The following IKBKB variants were observed in gnomAD, a reference collection of about 807,000 sequenced individuals.
IKBKB encodes inhibitor of nuclear factor kappa B kinase subunit beta.
A neutral mutation model predicts 113.6 loss-of-function variants in IKBKB; 42 were observed. That is an observed-to-expected ratio of 0.37 (90% CI 0.29 to 0.48). IKBKB has a LOEUF of 0.48. Ranked by LOEUF, IKBKB falls within the 20% of genes least tolerant of loss-of-function variation. The probability of loss-of-function intolerance (pLI) is 0.99; values close to 1 mark genes in which losing one functional copy is unlikely to be tolerated. For missense variants in IKBKB, 673 were observed against 939.7 expected, an observed-to-expected ratio of 0.72 and a Z score of 3.71; for synonymous variants, 296 against 361.3, an observed-to-expected ratio of 0.82 and a Z score of 2.05.
At chr8:42,277,424 C>G (rs1173414091) in intron 2 of IKBKB, among the ~76,000 whole-genome samples, 1 of 151,894 alleles carries the variant, frequency 6.6e-6, no homozygotes, top group Non-Finnish European at 1.5e-5. Context: ...CTCAAGTGAT[C>G]TGCCCACCTT....
At position 42,309,044 on chromosome 8, in the gene IKBKB, C is replaced by T. The variant is rs1817147026; in HGVS notation, c.692+19C>T. On this transcript the variant is annotated intron_variant, in intron 8 of 21. Coordinates refer to ENST00000520810, the MANE Select transcript of IKBKB (RefSeq NM_001556.3). ...TGCAGTGGTGAGTGGGCCCGGGGCACCTGGATGGAGGAGGGAGCCTGTCTG... is the reference window on the plus strand; with the variant it reads ...TGCAGTGGTGAGTGGGCCCGGGGCATCTGGATGGAGGAGGGAGCCTGTCTG... The T allele has an allele frequency of 6.2e-7, 1 of 1,610,290 alleles. No homozygotes were observed.
Position 42,304,278 on chromosome 8 carries a change from G to A in IKBKB, c.389-909G>A, listed in dbSNP as rs191042017. On this transcript the variant is annotated intron_variant, in intron 5 of 21. Coordinates refer to ENST00000520810, the MANE Select transcript of IKBKB (RefSeq NM_001556.3). ...ATAAAAATAATTTTATCTCATTTCA[G>A]TACTATTTATTTCATTTCTTTCTTT... Among the ~76,000 whole-genome samples the A allele has an allele frequency of 8.1e-4, 124 of 152,248 alleles. 1 individual carries two copies. Among genetic ancestry groups the A allele is most frequent in the Middle Eastern group, 3.4e-3 (1 of 294 alleles).
At chr8:42,330,842 C>T in intron 21 of IKBKB, 72 bp from the exon 22 acceptor site, 1 of 1,612,086 alleles carries the variant, frequency 6.2e-7, no homozygotes, top group Non-Finnish European at 8.5e-7. Context: ...TCCTGATTTC[C>T]TCCTGAAGAG....
At chr8:42,319,464 T>C in intron 14 of IKBKB, 43 bp downstream of exon 14, 1 of 1,612,210 alleles carries the variant, frequency 6.2e-7, no homozygotes, top group Non-Finnish European at 8.5e-7. Flanking sequence ...ACCATTTTTT[T>C]TTCTTTTTCT....
intron 20 of IKBKB, among the ~76,000 whole-genome samples, chr8:42,328,244 G>GC (rs1473482419): frequency 2.0e-5 from 3 of 148,168 alleles, no homozygotes; most frequent in Non-Finnish European, 4.5e-5. Context: ...ACCGCACCCG[G>GC]CCCTTTTTTT....
chr8:42,288,400 AAAAG>A (rs1245778339), intron 2 of IKBKB, among the ~76,000 whole-genome samples: 2 of 151,808 alleles, frequency 1.3e-5, no homozygotes, highest in African/African-American at 4.8e-5. Context: ...CAAAAAAAAA[AAAAG>A]AGAGAGAAAG....
At chr8:42,328,588 G>A (rs914190520) in intron 20 of IKBKB, among the ~76,000 whole-genome samples, 6 of 152,140 alleles carry the variant, frequency 3.9e-5, no homozygotes, top group African/African-American at 7.2e-5. Context: ...AGAAAAAGAC[G>A]GATGTTTTAC....
intron 5 of IKBKB, among the ~76,000 whole-genome samples, chr8:42,300,386 T>G (rs1013838038): frequency 1.3e-5 from 2 of 152,234 alleles, no homozygotes; most frequent in Admixed American, 6.5e-5. Flanking sequence ...CTCAGCCTTT[T>G]GGACCATTTC....
At chr8:42,310,746 G>T (rs1290768581) in intron 8 of IKBKB, among the ~76,000 whole-genome samples, 2 of 152,166 alleles carry the variant, frequency 1.3e-5, no homozygotes, top group Admixed American at 6.5e-5. Context: ...GAACAGTTGT[G>T]TGTCTCCAGG....
rs781643054 is a variant in IKBKB at position 42,306,444 on chromosome 8, G to T, written c.567+12G>T. ...CCCTGCAGTACCTGGTAAGAAGTGG[G>T]CCTTGCCTGTTTGCCTGTCAGCTCC... On this transcript the variant is annotated intron_variant, in intron 7 of 21. Coordinates refer to ENST00000520810, the MANE Select transcript of IKBKB (RefSeq NM_001556.3). 1.3e-6 allele frequency: 2 copies of T among 1,586,536 alleles called. No homozygotes were observed. The highest frequency in any genetic ancestry group is 4.5e-5 in the East Asian group (2 of 44,746).
intron 7 of IKBKB, 80 bp downstream of exon 7, chr8:42,306,512 C>T: frequency 1.1e-6 from 1 of 923,520 alleles, no homozygotes; most frequent in Admixed American, 1.8e-5. Flanking sequence ...TGCCTTGCTC[C>T]CAGCACCTGA....
chr8:42,296,268 G>A (rs894263607), intron 5 of IKBKB, among the ~76,000 whole-genome samples: 11 of 152,158 alleles, frequency 7.2e-5, no homozygotes, highest in African/African-American at 2.2e-4. Context: ...AGGCGGAAGC[G>A]GACGGATCAC....
rs555432762 is a variant in IKBKB at position 42,276,209 on chromosome 8, A to C, written c.105+4004A>C. Among the ~76,000 whole-genome samples, 6 of 152,288 alleles carry C rather than the reference A, an allele frequency of 3.9e-5. No individual in the cohort carries two copies. The South Asian group carries it at 1.2e-3, about 32-fold the overall frequency. On this transcript the variant is annotated intron_variant, in intron 2 of 21. Transcript: ENST00000520810. ...GGCTGTGCTAATTTACATTCCCACC[A>C]ATAGTGTATAGAGTTCCGCTTTCTC...
At chr8:42,315,315 G>A (rs1396369495) in intron 9 of IKBKB, among the ~76,000 whole-genome samples, 1 of 152,196 alleles carries the variant, frequency 6.6e-6, no homozygotes, top group Non-Finnish European at 1.5e-5. Flanking sequence ...GGATGGATTA[G>A]TGCTATATGG....
In IKBKB at chr8:42,319,661, T is replaced by G. The variant is rs201185375; in HGVS notation, c.1578+15T>G. 5 of 1,576,924 alleles carry G rather than the reference T, an allele frequency of 3.2e-6. No individual in the cohort carries two copies. Among genetic ancestry groups the G allele is most frequent in the Non-Finnish European group, 4.3e-6 (5 of 1,167,348 alleles). ...TCTGTGGGCGGGTAGGAGACTCATTTTGGGTTTCGGAACTTACCAAGGGGG... is the reference window on the plus strand; with the variant it reads ...TCTGTGGGCGGGTAGGAGACTCATTGTGGGTTTCGGAACTTACCAAGGGGG... On this transcript the variant is annotated intron_variant, in intron 15 of 21. Transcript: ENST00000520810.
At chr8:42,319,984 T>C (rs779779459) in intron 15 of IKBKB, 3 of 247,160 alleles carry the variant, frequency 1.2e-5, no homozygotes, top group Non-Finnish European at 2.3e-5. Flanking sequence ...CGAAGGTTTT[T>C]GACTAATTTT....
intron 8 of IKBKB, among the ~76,000 whole-genome samples, chr8:42,310,279 A>G (rs1817462115): frequency 6.6e-6 from 1 of 152,184 alleles, no homozygotes; most frequent in Admixed American, 6.5e-5. Context: ...ATGTGGCTCA[A>G]ATTTCCAGAA....
chr8:42,313,044 C>A (rs1221989027), intron 8 of IKBKB, among the ~76,000 whole-genome samples: 1 of 152,156 alleles, frequency 6.6e-6, no homozygotes, highest in Non-Finnish European at 1.5e-5. Context: ...GCCACATGGG[C>A]CTGTCACGGC....
intron 5 of IKBKB, among the ~76,000 whole-genome samples, chr8:42,298,807 A>G (rs1005722822): frequency 6.6e-6 from 1 of 152,122 alleles, no homozygotes; most frequent in African/African-American, 2.4e-5. Flanking sequence ...TTCACTGTCC[A>G]GAAATCTGGT....
Sources: allele counts gnomAD v4.1 joint callset (sites outside exome capture counted in the v4.1 genomes callset), GRCh38; gene constraint gnomAD v4.1.1; transcripts MANE v1.5; gene names NCBI Gene and HGNC (gene_info 2026-07-23, HGNC 2026-07-21).